DLG2: variants seen among roughly 807,000 people sequenced by gnomAD.
DLG2 encodes discs large MAGUK scaffold protein 2, also known as disks large homolog 2.
DLG2 carries 45 observed loss-of-function variants against 132.5 expected under a neutral mutation model. The observed-to-expected ratio is 0.34, with a 90% confidence interval of 0.27 to 0.44. DLG2 has a LOEUF of 0.44. DLG2 is among the 20% of genes least tolerant of loss of function. The pLI is 1.00. For synonymous variants in DLG2, 424 were observed against 419.6 expected, an observed-to-expected ratio of 1.01 and a Z score of -0.13; for missense variants, 1,045 against 1,196.9, an observed-to-expected ratio of 0.87 and a Z score of 1.87.
intron 6 of DLG2, among the ~76,000 whole-genome samples, chr11:84,810,642 C>A (rs1171776189): frequency 6.6e-6 from 1 of 152,032 alleles, no homozygotes; most frequent in African/African-American, 2.4e-5. Context: ...GAAATAAAAA[C>A]TTATGTTCAA....
intron 7 of DLG2, among the ~76,000 whole-genome samples, chr11:84,464,720 T>C (rs1005039198): frequency 4.6e-5 from 7 of 151,174 alleles, no homozygotes; most frequent in African/African-American, 1.2e-4. Context: ...AAAAAGCTTA[T>C]AGTGGACTTG....
chr11:84,526,038 A>G (rs2099319476), intron 7 of DLG2, among the ~76,000 whole-genome samples: 1 of 152,122 alleles, frequency 6.6e-6, no homozygotes. Flanking sequence ...ACGTCTTGAG[A>G]GACCTCTTCT....
intron 3 of DLG2, among the ~76,000 whole-genome samples, chr11:85,402,492 G>A (rs895270620): frequency 8.6e-5 from 13 of 152,034 alleles, no homozygotes; most frequent in Non-Finnish European, 1.8e-4. Flanking sequence ...TAGACAAATG[G>A]GATCTAATTA....
At chr11:84,550,523 T>C (rs1201873868) in intron 6 of DLG2, among the ~76,000 whole-genome samples, 1 of 152,212 alleles carries the variant, frequency 6.6e-6, no homozygotes, top group African/African-American at 2.4e-5. Context: ...ATGTGAGTTT[T>C]TGGACTTCAG....
chr11:83,929,077 A>C (rs1433533695), intron 15 of DLG2, among the ~76,000 whole-genome samples: 10 of 134,906 alleles, frequency 7.4e-5, no homozygotes, highest in Non-Finnish European at 1.2e-4. Flanking sequence ...ATTATTGCAA[A>C]TTAATAAAAA....
At chr11:83,806,651 T>C (rs970915786) in intron 17 of DLG2, among the ~76,000 whole-genome samples, 1 of 152,190 alleles carries the variant, frequency 6.6e-6, no homozygotes, top group African/African-American at 2.4e-5. Flanking sequence ...TTCAGGCTTC[T>C]TGTTTTCCCA....
intron 18 of DLG2, among the ~76,000 whole-genome samples, chr11:83,710,525 A>G (rs761928626): frequency 2.6e-5 from 4 of 152,210 alleles, no homozygotes; most frequent in Non-Finnish European, 2.9e-5. Flanking sequence ...TAAGATAGTG[A>G]GTGCCAAGAT....
chr11:84,227,076 C>T (rs2097009512), intron 8 of DLG2, among the ~76,000 whole-genome samples: 1 of 151,586 alleles, frequency 6.6e-6, no homozygotes, highest in African/African-American at 2.4e-5. Context: ...CAGAGCCAGG[C>T]TCCATCTTAA....
intron 7 of DLG2, among the ~76,000 whole-genome samples, chr11:84,526,902 C>G (rs1048548045): frequency 2.6e-5 from 4 of 151,822 alleles, no homozygotes; most frequent in Admixed American, 1.3e-4. Context: ...CCTCAGCCTC[C>G]CGAGTAGCTG....
intron 6 of DLG2, among the ~76,000 whole-genome samples, chr11:84,798,395 C>A (rs1377049789): frequency 6.6e-6 from 1 of 152,166 alleles, no homozygotes; most frequent in East Asian, 1.9e-4. Flanking sequence ...ACACAAAGTC[C>A]TTCCCCCTCT....
chr11:85,419,089 C>T (rs1415586891), intron 3 of DLG2, among the ~76,000 whole-genome samples: 1 of 152,188 alleles, frequency 6.6e-6, no homozygotes, highest in Non-Finnish European at 1.5e-5. Context: ...TCAGTGCTTC[C>T]TTCAGGAACT....
At chr11:83,672,027 G>A (rs1011445813) in intron 18 of DLG2, among the ~76,000 whole-genome samples, 2 of 152,144 alleles carry the variant, frequency 1.3e-5, no homozygotes, top group Non-Finnish European at 2.9e-5. Context: ...AATGAATGGA[G>A]GGTAAGACAA....
intron 7 of DLG2, among the ~76,000 whole-genome samples, chr11:84,447,983 G>A (rs1021289434): frequency 6.6e-6 from 1 of 152,058 alleles, no homozygotes; most frequent in South Asian, 2.1e-4. Flanking sequence ...TTTGACTTGT[G>A]AGCACAAACA....
At chr11:84,285,723 T>C (rs1258125526) in intron 7 of DLG2, among the ~76,000 whole-genome samples, 1 of 152,178 alleles carries the variant, frequency 6.6e-6, no homozygotes, top group Non-Finnish European at 1.5e-5. Flanking sequence ...ACTCACGACA[T>C]CCTGTTATAG....
chr11:85,303,558 A>T (rs76610603), intron 3 of DLG2, among the ~76,000 whole-genome samples: 3,446 of 152,290 alleles, frequency 0.023, 50 homozygotes, highest in Middle Eastern at 0.037. Context: ...ACAATGCAGC[A>T]TAGCTATGTG....
chr11:85,335,820 A>G (rs190748182), intron 3 of DLG2, among the ~76,000 whole-genome samples: 53 of 152,216 alleles, frequency 3.5e-4, no homozygotes, highest in South Asian at 6.2e-4. Flanking sequence ...GGGGAGGGAT[A>G]GCATTAGGAG....
chr11:84,342,014 T>C (rs1240634067), intron 7 of DLG2, among the ~76,000 whole-genome samples: 1 of 152,226 alleles, frequency 6.6e-6, no homozygotes, highest in Admixed American at 6.5e-5. Flanking sequence ...ATATCCATTC[T>C]ACCAAATTCT....
intron 19 of DLG2, among the ~76,000 whole-genome samples, chr11:83,565,523 C>T (rs1467424153): frequency 6.6e-6 from 1 of 152,190 alleles, no homozygotes; most frequent in African/African-American, 2.4e-5. Context: ...ACTGAATTTT[C>T]TCAGAACTGC....
intron 3 of DLG2, among the ~76,000 whole-genome samples, chr11:85,410,599 C>A (rs2089224408): frequency 6.6e-6 from 1 of 151,780 alleles, no homozygotes; most frequent in Admixed American, 6.6e-5. Flanking sequence ...AAAATATGAA[C>A]AACTGTATAC....
Sources: gnomAD v4.1 joint callset for allele counts (sites outside exome capture counted in the v4.1 genomes callset) on GRCh38, gnomAD v4.1.1 for gene constraint, MANE v1.5 for transcripts, NCBI Gene and HGNC (gene_info 2026-07-23, HGNC 2026-07-21) for gene names.